Variants in GMDS observed in about 807,000 individuals in gnomAD.
The protein encoded by GMDS is GDP-mannose 4,6-dehydratase.
A neutral mutation model predicts 49.9 loss-of-function variants in GMDS; 20 were observed. The observed-to-expected ratio is 0.40, with a 90% CI of 0.28 to 0.58. GMDS has a LOEUF of 0.58. Ranked by LOEUF, GMDS falls within the 20% of genes least tolerant of loss-of-function variation. The pLI, the probability that GMDS is intolerant of heterozygous loss-of-function variation, is 0.42. For missense variants in GMDS, 362 were observed against 481.4 expected (o/e 0.75, Z 2.32); for synonymous variants, 177 against 178.6 (o/e 0.99, Z 0.07).
At chr6:2,060,892 C>A (rs1009259014) in intron 4 of GMDS, among the ~76,000 whole-genome samples, 1 of 151,696 alleles carries the variant, frequency 6.6e-6, no homozygotes, top group Non-Finnish European at 1.5e-5. Context: ...TAGTGGCAGG[C>A]GCCTTTAATC....
chr6:1,922,071 A>T (rs1761742317), intron 7 of GMDS, among the ~76,000 whole-genome samples: 1 of 152,226 alleles, frequency 6.6e-6, no homozygotes, highest in Non-Finnish European at 1.5e-5. Context: ...GTAGAAATTC[A>T]ATTGCTGACC....
At chr6:1,633,518 C>T (rs773697072) in intron 9 of GMDS, among the ~76,000 whole-genome samples, 1 of 152,108 alleles carries the variant, frequency 6.6e-6, no homozygotes, top group African/African-American at 2.4e-5. Context: ...GAGGGAGCGA[C>T]TGCAGAGGGG....
At chr6:2,057,820 T>C (rs999898767) in intron 4 of GMDS, among the ~76,000 whole-genome samples, 8 of 152,176 alleles carry the variant, frequency 5.3e-5, no homozygotes, top group Non-Finnish European at 1.0e-4. Flanking sequence ...ATCAATGCTG[T>C]CCAATAGCCA....
rs900362465 is a variant in GMDS at position 1,646,539 on chromosome 6, C to T, written c.988-21999G>A. On this transcript the variant is annotated intron_variant, in intron 9 of 10. Transcript: ENST00000380815. Reference sequence around the variant, plus strand: ...GGGACTACAGGTTCATGCCACGGCACGTAGCTAAATTGTGTTATGTTTTTT... The same window carrying T: ...GGGACTACAGGTTCATGCCACGGCATGTAGCTAAATTGTGTTATGTTTTTT... Among the ~76,000 whole-genome samples the T allele has an allele frequency of 7.2e-5, 11 of 152,222 alleles. No individual in the cohort carries two copies. The East Asian group carries it at 1.2e-3, about 16-fold the overall frequency.
intron 9 of GMDS, among the ~76,000 whole-genome samples, chr6:1,681,203 A>G (rs1764776571): frequency 6.6e-6 from 1 of 151,620 alleles, no homozygotes; most frequent in African/African-American, 2.4e-5. Context: ...GCATGTGCCA[A>G]TGCAGAAGAG....
intron 9 of GMDS, among the ~76,000 whole-genome samples, chr6:1,683,763 A>G (rs544058004): frequency 1.3e-4 from 20 of 152,272 alleles, no homozygotes; most frequent in African/African-American, 4.3e-4. Context: ...ACTTTTCATA[A>G]CTCGTGAGAT....
intron 4 of GMDS, among the ~76,000 whole-genome samples, chr6:2,088,106 GT>G (rs1773115277): frequency 6.8e-6 from 1 of 146,302 alleles, no homozygotes; most frequent in Admixed American, 6.7e-5. Flanking sequence ...GATGTAGAAA[GT>G]AAAAAAAAAA....
rs186071790 is a variant in GMDS, at chr6:1,894,842, G to A, written c.771+35261C>T. Among the ~76,000 whole-genome samples, 4 of 152,238 alleles carry A rather than the reference G, an allele frequency of 2.6e-5. No homozygotes were observed. The East Asian group carries it at 7.7e-4, about 29-fold the overall frequency. On this transcript the variant is annotated intron_variant, in intron 7 of 10. Transcript: ENST00000380815. ...ATTGTCTATAGACACTAAGATTAAA[G>A]CAACAGACATTTAGGAAATAGTTAT... is the stretch of plus-strand genomic sequence containing the variant.
intron 7 of GMDS, among the ~76,000 whole-genome samples, chr6:1,813,312 G>T (rs1770524143): frequency 6.6e-6 from 1 of 151,158 alleles, no homozygotes; most frequent in East Asian, 1.9e-4. Context: ...AAGAATCTTG[G>T]GAAAGAATAA....
chr6:1,723,432 T>C (rs1173349900), intron 9 of GMDS, among the ~76,000 whole-genome samples: 2 of 151,702 alleles, frequency 1.3e-5, no homozygotes, highest in Non-Finnish European at 2.9e-5. Context: ...GTTCACGCCA[T>C]TCTCCTGCCT....
intron 7 of GMDS, among the ~76,000 whole-genome samples, chr6:1,846,418 TTCTC>T (rs1184171211): frequency 2.6e-5 from 4 of 152,158 alleles, no homozygotes; most frequent in African/African-American, 9.7e-5. Context: ...AATGCCCTTT[TTCTC>T]TCTAAAATTC....
chr6:2,234,941 C>G (rs1013976538), intron 1 of GMDS, among the ~76,000 whole-genome samples: 2 of 152,122 alleles, frequency 1.3e-5, no homozygotes, highest in African/African-American at 4.8e-5. Flanking sequence ...GCCTGACCAA[C>G]ATGGAGAAAC....
At chr6:2,029,852 T>C (rs532857815) in intron 4 of GMDS, among the ~76,000 whole-genome samples, 2 of 152,268 alleles carry the variant, frequency 1.3e-5, no homozygotes, top group East Asian at 3.9e-4. Flanking sequence ...AATTTAAATA[T>C]AAATTTAAAT....
intron 4 of GMDS, among the ~76,000 whole-genome samples, chr6:2,002,388 A>C (rs1489180351): frequency 1.3e-5 from 2 of 152,206 alleles, no homozygotes; most frequent in African/African-American, 4.8e-5. Flanking sequence ...TAGAGACTGA[A>C]TTATAAATGT....
chr6:1,780,988 A>G (rs914450060), intron 7 of GMDS, among the ~76,000 whole-genome samples: 6 of 151,996 alleles, frequency 3.9e-5, no homozygotes, highest in African/African-American at 7.3e-5. Context: ...GTCTGTGGGG[A>G]GCGAGTTTTT....
intron 7 of GMDS, among the ~76,000 whole-genome samples, chr6:1,874,974 C>T (rs1429575075): frequency 2.0e-5 from 3 of 152,164 alleles, no homozygotes; most frequent in South Asian, 2.1e-4. Flanking sequence ...CGTAGCTATT[C>T]AGTAAATTAA....
chr6:1,950,208 A>G (rs75632679), intron 6 of GMDS, among the ~76,000 whole-genome samples: 1 of 152,218 alleles, frequency 6.6e-6, no homozygotes, highest in African/African-American at 2.4e-5. Flanking sequence ...ACATCTATGA[A>G]TTCTAATAGT....
chr6:1,892,836 TG>T (rs902137461), intron 7 of GMDS, among the ~76,000 whole-genome samples: 3 of 152,216 alleles, frequency 2.0e-5, no homozygotes, highest in African/African-American at 7.2e-5. Context: ...CTACTGTGAC[TG>T]GACACGCATT....
chr6:2,165,669 C>G (rs772074986), intron 1 of GMDS, among the ~76,000 whole-genome samples: 3 of 152,198 alleles, frequency 2.0e-5, no homozygotes, highest in Non-Finnish European at 4.4e-5. Context: ...AATCTGCATC[C>G]TGTGGAAGAC....
Sources: allele counts gnomAD v4.1 joint callset (sites outside exome capture counted in the v4.1 genomes callset), GRCh38; gene constraint gnomAD v4.1.1; transcripts MANE v1.5; gene names NCBI Gene and HGNC (gene_info 2026-07-23, HGNC 2026-07-21).